ZMAT4: variants seen among roughly 807,000 people sequenced by gnomAD.
ZMAT4 encodes the protein zinc finger matrin-type 4, also known as zinc finger matrin-type protein 4.
ZMAT4 carries 17 observed loss-of-function variants against 28.7 expected under a neutral mutation model. The ratio of observed to expected loss-of-function variants is 0.59; its 90% CI spans 0.41 to 0.89. ZMAT4 has a LOEUF of 0.89. ZMAT4 is among the 40% of genes least tolerant of loss of function. The pLI, the probability that ZMAT4 is intolerant of heterozygous loss-of-function variation, is 0.00. For missense variants in ZMAT4, 240 were observed against 283.8 expected, an observed-to-expected ratio of 0.85 and a Z score of 1.11; for synonymous variants, 117 against 109.2, an observed-to-expected ratio of 1.07 and a Z score of -0.44.
rs146844501 is a variant in ZMAT4 at position 40,571,353 on chromosome 8, A to T, written c.674+9812T>A. 5.3e-3 allele frequency among the ~76,000 whole-genome samples: 801 copies of T among 152,282 alleles called. 3 individuals carry two copies. The highest frequency in any genetic ancestry group is 8.5e-3 in the Non-Finnish European group (577 of 68,012). ...TTGCCTATGTATTAGTGCTGTAGAT[A>T]TAGAGATACATATACAGTCTTTTTC... On this transcript the variant is annotated intron_variant, in intron 6 of 6. Transcript: ENST00000297737.
intron 5 of ZMAT4, among the ~76,000 whole-genome samples, chr8:40,618,513 T>C (rs1806092245): frequency 6.6e-6 from 1 of 152,214 alleles, no homozygotes; most frequent in Non-Finnish European, 1.5e-5. Flanking sequence ...CAGTTTGTAT[T>C]GACAGAAAAT....
At chr8:40,532,385 T>A in intron 6 of ZMAT4, 147 bp from the exon 7 acceptor site, 1 of 535,616 alleles carries the variant, frequency 1.9e-6, no homozygotes. Flanking sequence ...GTAAAGTTAA[T>A]CTTTCAGGTT....
chr8:40,796,859 C>T (rs750319399), intron 2 of ZMAT4, among the ~76,000 whole-genome samples: 2 of 152,180 alleles, frequency 1.3e-5, no homozygotes, highest in African/African-American at 2.4e-5. Context: ...CAGAAAGCCA[C>T]CTGCTGTGCT....
At chr8:40,574,719 C>A (rs750233558) in intron 6 of ZMAT4, among the ~76,000 whole-genome samples, 1 of 152,160 alleles carries the variant, frequency 6.6e-6, no homozygotes, top group South Asian at 2.1e-4. Flanking sequence ...TTCTCCATCA[C>A]GTTTGACTCA....
chr8:40,671,219 T>C (rs1808652358), intron 5 of ZMAT4, among the ~76,000 whole-genome samples: 1 of 152,212 alleles, frequency 6.6e-6, no homozygotes, highest in Non-Finnish European at 1.5e-5. Flanking sequence ...TTTTATATGT[T>C]GGCTTTTTGA....
intron 3 of ZMAT4, among the ~76,000 whole-genome samples, chr8:40,747,232 G>C (rs1250074105): frequency 2.0e-5 from 3 of 152,148 alleles, no homozygotes; most frequent in Admixed American, 6.5e-5. Flanking sequence ...GGTTTCCAAG[G>C]AGCTTTTAAA....
intron 4 of ZMAT4, among the ~76,000 whole-genome samples, chr8:40,683,888 A>T (rs1563409783): frequency 1.3e-5 from 2 of 152,028 alleles, no homozygotes; most frequent in African/African-American, 4.8e-5. Flanking sequence ...AACATGGCAA[A>T]ACCCAGTCTC....
intron 6 of ZMAT4, among the ~76,000 whole-genome samples, chr8:40,574,612 G>C (rs1804202387): frequency 6.6e-6 from 1 of 152,188 alleles, no homozygotes; most frequent in African/African-American, 2.4e-5. Context: ...GTCTGAAAGA[G>C]AGTGTTGATG....
intron 3 of ZMAT4, among the ~76,000 whole-genome samples, chr8:40,721,068 A>C (rs1257294165): frequency 1.6e-4 from 24 of 148,304 alleles, no homozygotes; most frequent in African/African-American, 5.7e-4. Flanking sequence ...ATGCTGGTGC[A>C]CTGCACCCAC....
At chr8:40,726,189 C>G (rs781185961) in intron 3 of ZMAT4, among the ~76,000 whole-genome samples, 16 of 152,342 alleles carry the variant, frequency 1.1e-4, no homozygotes, top group Admixed American at 3.9e-4. Flanking sequence ...CCCAGATGCA[C>G]CTGCCTTTAT....
intron 4 of ZMAT4, among the ~76,000 whole-genome samples, chr8:40,679,846 T>G (rs960711723): frequency 6.6e-6 from 1 of 152,212 alleles, no homozygotes; most frequent in Non-Finnish European, 1.5e-5. Context: ...AGACACATAG[T>G]GTAAATTCCA....
intron 5 of ZMAT4, among the ~76,000 whole-genome samples, chr8:40,662,667 C>A (rs929660407): frequency 3.3e-5 from 5 of 152,106 alleles, no homozygotes; most frequent in African/African-American, 1.2e-4. Context: ...TGTAAACACA[C>A]GACTGAGAAT....
intron 3 of ZMAT4, among the ~76,000 whole-genome samples, chr8:40,705,882 A>C (rs568075727): frequency 6.6e-6 from 1 of 152,300 alleles, no homozygotes; most frequent in African/African-American, 2.4e-5. Flanking sequence ...GGTATTTTAT[A>C]TTCTTTTTCT....
At chr8:40,569,783 G>A (rs571235904) in intron 6 of ZMAT4, among the ~76,000 whole-genome samples, 2 of 152,302 alleles carry the variant, frequency 1.3e-5, no homozygotes, top group African/African-American at 4.8e-5. Flanking sequence ...CTTTGTAGTA[G>A]GCCTAGCTGG....
At chr8:40,845,705 CA>C (rs111322922) in intron 1 of ZMAT4, among the ~76,000 whole-genome samples, 194 of 107,416 alleles carry the variant, frequency 1.8e-3, no homozygotes, top group Admixed American at 1.7e-3. Context: ...CAAGGAATTG[CA>C]AAAAAAAAAA....
At chr8:40,707,531 G>A (rs1810414541) in intron 3 of ZMAT4, among the ~76,000 whole-genome samples, 1 of 151,974 alleles carries the variant, frequency 6.6e-6, no homozygotes, top group Non-Finnish European at 1.5e-5. Context: ...GCATTGTATG[G>A]AAACACACTT....
chr8:40,756,518 T>C (rs1369688050), intron 3 of ZMAT4, among the ~76,000 whole-genome samples: 2 of 144,888 alleles, frequency 1.4e-5, no homozygotes, highest in African/African-American at 2.6e-5. Flanking sequence ...TTCTTTGTAA[T>C]AGCAAGTGAT....
chr8:40,854,856 C>A (rs1488862468), intron 1 of ZMAT4, among the ~76,000 whole-genome samples: 1 of 151,894 alleles, frequency 6.6e-6, no homozygotes, highest in Non-Finnish European at 1.5e-5. Context: ...TGCGAGATAC[C>A]CTAAAGGGCT....
At chr8:40,866,225 CT>C (rs1376970814) in intron 1 of ZMAT4, among the ~76,000 whole-genome samples, 2 of 152,212 alleles carry the variant, frequency 1.3e-5, no homozygotes, top group African/African-American at 4.8e-5. Context: ...AGTTCTATAT[CT>C]TGTCTTTCTG....
Sources: gnomAD v4.1 joint callset for allele counts (sites outside exome capture counted in the v4.1 genomes callset) on GRCh38, gnomAD v4.1.1 for gene constraint, MANE v1.5 for transcripts, NCBI Gene and HGNC (gene_info 2026-07-23, HGNC 2026-07-21) for gene names.